Variants in ZC4H2 observed in about 807,000 individuals in gnomAD.
ZC4H2 encodes zinc finger C4H2-type containing, also known as zinc finger C4H2 domain-containing protein.
For synonymous variants in ZC4H2, 84 were observed against 66.3 expected (o/e 1.27, Z -1.30); for missense variants, 137 against 173.9 (o/e 0.79, Z 1.19).
intron 1 of ZC4H2, among the ~76,000 whole-genome samples, chrX:65,014,297 C>A (rs912937002): frequency 5.4e-5 from 6 of 111,557 alleles, no homozygotes; most frequent in Non-Finnish European, 9.4e-5. Context: ...AAAGGGATTC[C>A]TCTGCACACT....
At chrX:64,976,491 A>T, upstream of ZC4H2, 3 of 823,546 alleles carry the variant, frequency 3.6e-6, no homozygotes, top group Non-Finnish European at 5.4e-6. Flanking sequence ...CCTGTGCGGT[A>T]GGGGCTTGGA....
chrX:64,944,800 T>A (rs1930454372), intron 1 of ZC4H2, among the ~76,000 whole-genome samples: 1 of 112,151 alleles, frequency 8.9e-6, no homozygotes, highest in African/African-American at 3.2e-5. Context: ...TTCTCTAATC[T>A]TGTCTTCATG....
chrX:64,920,072 G>A lies in ZC4H2; in HGVS notation c.398+9C>T. On this transcript the variant is annotated intron_variant, in intron 3 of 4. Transcript: ENST00000374839. ...GGTATGTTGTAGGGACTGGGGGCAG[G>A]TAGCTTACTCCAAGGAAAGCTTCTC... is the stretch of plus-strand genomic sequence containing the variant. 8.3e-7 allele frequency: 1 copy of A among 1,207,670 alleles called. No homozygotes were observed. Among genetic ancestry groups the A allele is most frequent in the Non-Finnish European group, 1.1e-6 (1 of 893,902 alleles).
intron 1 of ZC4H2, among the ~76,000 whole-genome samples, chrX:64,982,780 G>T (rs1482311990): frequency 9.0e-6 from 1 of 111,638 alleles, no homozygotes; most frequent in East Asian, 2.8e-4. Flanking sequence ...CAACCACAAG[G>T]AAAAGATGGA....
intron 1 of ZC4H2, among the ~76,000 whole-genome samples, chrX:64,951,497 C>A (rs1200561087): frequency 1.8e-5 from 2 of 112,070 alleles, no homozygotes; most frequent in Admixed American, 1.9e-4. Context: ...GCCATTCTAA[C>A]TGGTGTGAGA....
intron 1 of ZC4H2, chrX:64,922,239 T>C (rs1602382743): frequency 3.2e-6 from 1 of 307,831 alleles, no homozygotes; most frequent in South Asian, 2.3e-4. Flanking sequence ...AGTGAGACCT[T>C]ATATCTACAA....
At chrX:65,027,666 A>C (rs770529348) in intron 1 of ZC4H2, among the ~76,000 whole-genome samples, 3 of 111,702 alleles carry the variant, frequency 2.7e-5, no homozygotes, top group South Asian at 7.6e-4. Context: ...GGGGCCTACC[A>C]AACTTAGAAG....
intron 1 of ZC4H2, 149 bp from the exon 2 acceptor site, chrX:64,922,137 G>A (rs1006342931): frequency 1.0e-4 from 112 of 1,084,203 alleles, no homozygotes; most frequent in Non-Finnish European, 1.3e-4. Context: ...AAGGCCAGGT[G>A]CAATGGCTCA....
At chrX:64,977,503 AATTT>A (rs1399559492), upstream of ZC4H2, among the ~76,000 whole-genome samples, 2 of 111,850 alleles carry the variant, frequency 1.8e-5, no homozygotes, top group African/African-American at 6.5e-5. Flanking sequence ...TAAATTAATT[AATTT>A]ATTTATTTAT....
intron 1 of ZC4H2, among the ~76,000 whole-genome samples, chrX:64,981,653 T>C (rs1218398078): frequency 9.0e-6 from 1 of 110,603 alleles, no homozygotes; most frequent in African/African-American, 3.3e-5. Flanking sequence ...ACATGTGATA[T>C]ATGGAAAAAC....
intron 1 of ZC4H2, among the ~76,000 whole-genome samples, chrX:65,028,598 C>CT (rs1932904153): frequency 9.2e-6 from 1 of 109,146 alleles, no homozygotes; most frequent in Admixed American, 9.7e-5. Context: ...GTAGTGCCAT[C>CT]CTGGGTCACT....
intron 1 of ZC4H2, among the ~76,000 whole-genome samples, chrX:64,943,593 C>CTTT (rs35755953): frequency 0.23 from 25,128 of 110,121 alleles, 6,870 homozygotes; most frequent in African/African-American, 0.78. Flanking sequence ...TAATATCCTT[C>CTTT]GTCTTTCTTG....
rs191534190 is a variant in ZC4H2, at chrX:65,018,325, G to A, written c.-272+16304C>T. 2.0e-3 allele frequency among the ~76,000 whole-genome samples: 226 copies of A among 112,392 alleles called. 1 individual carries two copies. The highest frequency in any genetic ancestry group is 2.8e-3 in the Non-Finnish European group (151 of 53,234). ...GGTGATTTCTGCATTTCCAACTGAG[G>A]CACCTGGTTCATCTCATTGTGACTG... On this transcript the variant is annotated intron_variant, in intron 1 of 4. Transcript: ENST00000337990.
At chrX:64,957,703 A>AT (rs1157080640) in intron 1 of ZC4H2, among the ~76,000 whole-genome samples, 3 of 108,689 alleles carry the variant, frequency 2.8e-5, no homozygotes, top group Non-Finnish European at 3.8e-5. Flanking sequence ...CTATTAAAAA[A>AT]ATATATAAAT....
At chrX:64,949,577 G>A (rs751719299) in intron 1 of ZC4H2, among the ~76,000 whole-genome samples, 8 of 111,586 alleles carry the variant, frequency 7.2e-5, no homozygotes, top group South Asian at 7.4e-4. Flanking sequence ...CAAGTTACAC[G>A]GGAAGCACTG....
intron 1 of ZC4H2, among the ~76,000 whole-genome samples, chrX:64,950,676 C>A (rs1930764484): frequency 9.0e-6 from 1 of 111,025 alleles, no homozygotes; most frequent in Non-Finnish European, 1.9e-5. Context: ...GCAATCCCCA[C>A]CTTTTTTGTT....
At chrX:64,982,505 T>TA (rs1430257224) in intron 1 of ZC4H2, among the ~76,000 whole-genome samples, 1 of 112,377 alleles carries the variant, frequency 8.9e-6, no homozygotes, top group Non-Finnish European at 1.9e-5. Context: ...CCCTAATTCT[T>TA]AGAGTCATTT....
At chrX:64,973,797 A>G (rs1602431058) in intron 1 of ZC4H2, among the ~76,000 whole-genome samples, 1 of 111,761 alleles carries the variant, frequency 8.9e-6, no homozygotes, top group Non-Finnish European at 1.9e-5. Context: ...TTCAGCACTT[A>G]CAAAATGCTA....
intron 1 of ZC4H2, among the ~76,000 whole-genome samples, chrX:64,938,435 T>G (rs945066227): frequency 4.5e-5 from 5 of 111,845 alleles, no homozygotes; most frequent in Non-Finnish European, 9.4e-5. Flanking sequence ...ACTTGTTTTA[T>G]GAGGCCACCA....
Sources: gnomAD v4.1 joint callset for allele counts (sites outside exome capture counted in the v4.1 genomes callset) on GRCh38, gnomAD v4.1.1 for gene constraint, MANE v1.5 for transcripts, NCBI Gene and HGNC (gene_info 2026-07-23, HGNC 2026-07-21) for gene names.